The following GALK2 variants were observed in gnomAD, a reference collection of about 807,000 sequenced individuals.
The protein encoded by GALK2 is galactokinase 2.
GALK2 carries 36 observed loss-of-function variants against 52.4 expected under a neutral mutation model. That is an observed-to-expected ratio of 0.69 (90% CI 0.53 to 0.91). The LOEUF (loss-of-function observed/expected upper bound fraction) is 0.91, where lower values mean the gene tolerates loss of function less well. Among genes scored for constraint, GALK2 ranks in the 40% least tolerant of loss-of-function variants. GALK2 has a pLI of 0.00. For synonymous variants in GALK2, 176 were observed against 199.1 expected, an observed-to-expected ratio of 0.88 and a Z score of 0.98; for missense variants, 579 against 559.1, an observed-to-expected ratio of 1.04 and a Z score of -0.36.
rs1213703242 is a variant in GALK2 at position 49,283,576 on chromosome 15, T to C, written c.614T>C (p.Ile205Thr). Residue 205 changes from isoleucine to threonine, a missense_variant, in exon 7 of 10, where the codon ATA becomes ACA. Physicochemically the swap from Ile to Thr is moderately conservative, Grantham distance 89 (BLOSUM62 -1). Transcript: ENST00000560031. Reference protein sequence around the residue: ...FLAEEGTAKLIEFSPLRATDV... With the variant: ...FLAEEGTAKLTEFSPLRATDV... ...TTTTTCTTCTAACAGGCCAAGTTGATAGAATTTAGTCCTCTGAGGGCAACC... is the reference window on the plus strand; with the variant it reads ...TTTTTCTTCTAACAGGCCAAGTTGACAGAATTTAGTCCTCTGAGGGCAACC... The C allele has an allele frequency of 6.2e-7, 1 of 1,610,884 alleles. No individual in the cohort carries two copies. The highest frequency in any genetic ancestry group is 1.1e-5 in the South Asian group (1 of 90,058).
In GALK2 at chr15:49,269,050, A is replaced by C. The variant is rs185884399; in HGVS notation, c.505-12937A>C. 2.8e-4 allele frequency among the ~76,000 whole-genome samples: 43 copies of C among 152,332 alleles called. 1 individual carries two copies. The highest frequency in any genetic ancestry group is 9.4e-4 in the African/African-American group (39 of 41,580). ...CAGGAGTAACTATATGTAGGTACTT[A>C]AGGAATGAAAATCTGGAGAAAGAGA... On this transcript the variant is annotated intron_variant, in intron 5 of 9. Transcript: ENST00000560031.
intron 7 of GALK2, among the ~76,000 whole-genome samples, chr15:49,284,283 G>A (rs2033094489): frequency 6.6e-6 from 1 of 152,158 alleles, no homozygotes; most frequent in Non-Finnish European, 1.5e-5. Context: ...ACTAGCTATT[G>A]TAGTTCTAGC....
intron 1 of GALK2, chr15:49,185,488 G>A (rs2086277192): frequency 1.3e-5 from 2 of 152,176 alleles, no homozygotes. Context: ...TCCTTTGGAT[G>A]TATACCCAGT....
At chr15:49,185,133 T>C (rs937561830) in intron 1 of GALK2, among the ~76,000 whole-genome samples, 3 of 152,186 alleles carry the variant, frequency 2.0e-5, no homozygotes, top group Non-Finnish European at 4.4e-5. Context: ...CACTCCTCCT[T>C]TCCTCTCTCT....
intron 3 of GALK2, among the ~76,000 whole-genome samples, chr15:49,355,222 G>C (rs556422918): frequency 2.6e-5 from 4 of 152,316 alleles, no homozygotes; most frequent in East Asian, 1.9e-4. Context: ...CACCAGCAAA[G>C]GAACAAAGCT....
exon 1 of GALK2, chr15:49,155,843 A>C: frequency 3.5e-6 from 3 of 845,328 alleles, no homozygotes; most frequent in Non-Finnish European, 5.7e-6. Flanking sequence ...GTCTCAGCCG[A>C]AGGGCGTCGG....
chr15:49,283,710 G>A lies in GALK2; in HGVS notation c.748G>A (p.Ala250Thr). 1 of 1,613,864 alleles carries A rather than the reference G, an allele frequency of 6.2e-7. No individual in the cohort carries two copies. The highest frequency in any genetic ancestry group is 1.1e-5 in the South Asian group (1 of 91,000). ...FNIRVMECRL[A>T]AKLLAKYKSL... ...TATCAGGGTGATGGAGTGTCGGCTG[G>A]CTGCGAAGGTATGAACTTGGCAGGC... The change falls in exon 7 of 10, where the codon GCT (alanine) becomes ACT (threonine). Residue 250 changes from alanine to threonine, a missense_variant. Transcript: ENST00000560031.
upstream of GALK2, among the ~76,000 whole-genome samples, chr15:49,166,229 G>A (rs958321327): frequency 2.0e-5 from 3 of 152,168 alleles, no homozygotes; most frequent in African/African-American, 7.2e-5. Flanking sequence ...GACTGGGCAA[G>A]CAGAGGGTGC....
At chr15:49,156,274 T>A in intron 1 of GALK2, 1 of 496,980 alleles carries the variant, frequency 2.0e-6, no homozygotes. Context: ...TAACAACGAC[T>A]GGTTTTTAAA....
chr15:49,320,514 T>C (rs1397325730), intron 9 of GALK2, among the ~76,000 whole-genome samples: 4 of 152,224 alleles, frequency 2.6e-5, no homozygotes, highest in Admixed American at 1.3e-4. Context: ...GAACTGAAAC[T>C]GGGAAAGTTC....
intron 5 of GALK2, among the ~76,000 whole-genome samples, chr15:49,244,510 T>A (rs2091254510): frequency 6.6e-6 from 1 of 152,206 alleles, no homozygotes; most frequent in Non-Finnish European, 1.5e-5. Context: ...AGTTGATAAA[T>A]GTCTCTAAAA....
At chr15:49,324,833 T>C (rs1306511566) in intron 9 of GALK2, among the ~76,000 whole-genome samples, 1 of 152,152 alleles carries the variant, frequency 6.6e-6, no homozygotes, top group Admixed American at 6.5e-5. Flanking sequence ...GAACCTAGAA[T>C]TTCTAGAATT....
At chr15:49,160,350 A>G (rs1296941137) in intron 1 of GALK2, among the ~76,000 whole-genome samples, 1 of 152,210 alleles carries the variant, frequency 6.6e-6, no homozygotes, top group Non-Finnish European at 1.5e-5. Flanking sequence ...ACCATATTAA[A>G]TGTATAACTT....
rs987155908 is a variant in GALK2 at position 49,292,487 on chromosome 15, T to G, written c.917T>G (p.Ile306Ser). The part of the protein sequence containing the change: ...NPEEICRCLG[I>S]SLEELRTQIL... The stretch of plus-strand genomic sequence containing the variant: ...GAGGAGATCTGCAGGTGTCTGGGAA[T>G]TAGCCTGGAGGAACTCCGAACCCAA... Residue 306 changes from isoleucine (I) to serine (S), a missense_variant, in exon 8 of 10, where the codon ATT becomes AGT. Ile to Ser is a moderately radical substitution (Grantham distance 142). Coordinates refer to ENST00000560031, the MANE Select transcript of GALK2 (RefSeq NM_002044.4). The G allele has an allele frequency of 6.2e-7, 1 of 1,613,930 alleles. No individual in the cohort carries two copies. The highest frequency in any genetic ancestry group is 1.3e-5 in the African/African-American group (1 of 74,916).
chr15:49,158,805 A>G (rs981968420), intron 1 of GALK2: 13 of 149,490 alleles, frequency 8.7e-5, no homozygotes, highest in African/African-American at 2.2e-4. Flanking sequence ...TTTTGCATCT[A>G]TGTAGCAGCA....
intron 1 of GALK2, among the ~76,000 whole-genome samples, chr15:49,180,069 G>C (rs1340298208): frequency 6.6e-6 from 1 of 152,160 alleles, no homozygotes; most frequent in Non-Finnish European, 1.5e-5. Context: ...TACTGAAGCA[G>C]TTATAAGCCA....
In GALK2 at chr15:49,172,137, T is replaced by G. The variant is rs528207342; in HGVS notation, c.53+1762T>G. Among the ~76,000 whole-genome samples, 160 of 152,358 alleles carry G rather than the reference T, an allele frequency of 1.1e-3. 1 individual carries two copies. The highest frequency in any genetic ancestry group is 3.8e-3 in the African/African-American group (157 of 41,586). On this transcript the variant is annotated intron_variant, in intron 1 of 9. Transcript: ENST00000560031. The stretch of plus-strand genomic sequence containing the variant: ...ATTCCTAATGTGTTTCCATTTTATG[T>G]GATTGTAATAATAAAGATCAACATT...
intron 1 of GALK2, among the ~76,000 whole-genome samples, chr15:49,189,437 A>G (rs761409938): frequency 6.6e-6 from 1 of 152,172 alleles, no homozygotes; most frequent in Non-Finnish European, 1.5e-5. Context: ...CCCTCAGTAG[A>G]TGCCTGAAAC....
intron 3 of GALK2, among the ~76,000 whole-genome samples, chr15:49,231,295 A>G (rs749832516): frequency 1.3e-5 from 2 of 152,138 alleles, no homozygotes; most frequent in Non-Finnish European, 2.9e-5. Flanking sequence ...CACTTTTTAC[A>G]CAACCAAGTC....
Sources: allele counts gnomAD v4.1 joint callset (sites outside exome capture counted in the v4.1 genomes callset), GRCh38; gene constraint gnomAD v4.1.1; transcripts MANE v1.5; gene names NCBI Gene and HGNC (gene_info 2026-07-23, HGNC 2026-07-21).